The following EHMT1 variants were observed in gnomAD, a reference collection of about 807,000 sequenced individuals.
EHMT1 encodes histone-lysine N-methyltransferase EHMT1.
In EHMT1, 15 loss-of-function variants were observed where a neutral mutation model predicts 147.2. The ratio of observed to expected loss-of-function variants is 0.10; its 90% CI spans 0.07 to 0.16. The LOEUF (loss-of-function observed/expected upper bound fraction) is 0.16, where lower values mean the gene tolerates loss of function less well. Ranked by LOEUF, EHMT1 falls within the 10% of genes least tolerant of loss-of-function variation. The pLI is 1.00. For synonymous variants in EHMT1, 795 were observed against 709.6 expected (o/e 1.12, Z -1.91); for missense variants, 1,587 against 1,772.4 (o/e 0.90, Z 1.88).
At chr9:137,745,587 C>T (rs1465527440) in intron 6 of EHMT1, 4 of 398,554 alleles carry the variant, frequency 1.0e-5, no homozygotes, top group South Asian at 1.3e-4. Context: ...CAGCCCTCCC[C>T]GAAGGACAGG....
At chr9:137,710,307 T>C (rs1253078672) in intron 1 of EHMT1, among the ~76,000 whole-genome samples, 18 of 152,136 alleles carry the variant, frequency 1.2e-4, no homozygotes, top group African/African-American at 4.1e-4. Flanking sequence ...CCCCCATCTC[T>C]ACTGAAAACA....
intron 19 of EHMT1, among the ~76,000 whole-genome samples, chr9:137,812,642 T>G (rs1256580684): frequency 6.6e-6 from 1 of 152,268 alleles, no homozygotes; most frequent in African/African-American, 2.4e-5. Context: ...TGAGGACTGC[T>G]CACGCTGTGC....
At chr9:137,640,053 G>T (rs1232710563) in intron 1 of EHMT1, among the ~76,000 whole-genome samples, 2 of 152,080 alleles carry the variant, frequency 1.3e-5, no homozygotes, top group Non-Finnish European at 2.9e-5. Flanking sequence ...TCCTGCCTCT[G>T]CCTCCCGAGT....
At chr9:137,662,569 A>G (rs1016343296) in intron 1 of EHMT1, among the ~76,000 whole-genome samples, 4 of 151,696 alleles carry the variant, frequency 2.6e-5, no homozygotes, top group Non-Finnish European at 5.9e-5. Flanking sequence ...GCATGATCTC[A>G]GCTCACTGCA....
intron 1 of EHMT1, among the ~76,000 whole-genome samples, chr9:137,648,301 A>G (rs1167158421): frequency 6.6e-6 from 1 of 152,142 alleles, no homozygotes; most frequent in East Asian, 1.9e-4. Context: ...CAAAAGAGTC[A>G]ATGTTAAAAC....
intron 9 of EHMT1, among the ~76,000 whole-genome samples, chr9:137,761,245 T>C (rs73574183): frequency 0.049 from 7,395 of 152,208 alleles, 596 homozygotes; most frequent in African/African-American, 0.17. Flanking sequence ...TTCTAGAGAT[T>C]GGTTGGCTGC....
rs1298778033 is a variant in EHMT1, at chr9:137,732,401, G to A, written c.823+3872G>A. ...GGGTCCAGGAAGAATGAGGTTACAT[G>A]GACAACTGGAGGGGAGCAAGGTGGA... On this transcript the variant is annotated intron_variant, in intron 4 of 26. Transcript: ENST00000460843. The surrounding 1 kb of genome is among the most constrained non-coding windows in gnomAD (Gnocchi z 4.6). Among the ~76,000 whole-genome samples the A allele has an allele frequency of 2.0e-5, 3 of 152,222 alleles. No homozygotes were observed. The highest frequency in any genetic ancestry group is 7.2e-5 in the African/African-American group (3 of 41,456).
intron 10 of EHMT1, among the ~76,000 whole-genome samples, chr9:137,766,702 TTAA>T (rs1278944093): frequency 2.0e-5 from 3 of 152,240 alleles, no homozygotes; most frequent in Admixed American, 6.5e-5. Flanking sequence ...TTTCTTTTGA[TTAA>T]TGTTTGCACC....
At chr9:137,700,411 C>T (rs1943737307) in intron 1 of EHMT1, among the ~76,000 whole-genome samples, 2 of 152,136 alleles carry the variant, frequency 1.3e-5, no homozygotes, top group South Asian at 4.1e-4. Context: ...AAAAACTTCA[C>T]GAAGTGGGAA....
At chr9:137,720,991 C>G (rs1945894055) in intron 3 of EHMT1, among the ~76,000 whole-genome samples, 1 of 151,956 alleles carries the variant, frequency 6.6e-6, no homozygotes, top group Non-Finnish European at 1.5e-5. Flanking sequence ...TTGCAGTGGC[C>G]GCCTTTCTCC....
intron 3 of EHMT1, among the ~76,000 whole-genome samples, chr9:137,727,520 C>T (rs1946742208): frequency 6.6e-6 from 1 of 152,214 alleles, no homozygotes; most frequent in Non-Finnish European, 1.5e-5. Flanking sequence ...TCATTCAGTT[C>T]TCCCGGTACC....
intron 1 of EHMT1, among the ~76,000 whole-genome samples, chr9:137,652,649 G>A (rs2133966537): frequency 6.6e-6 from 1 of 151,890 alleles, no homozygotes; most frequent in East Asian, 1.9e-4. Context: ...GCCTCCCAGA[G>A]TGTTGGGATT....
intron 14 of EHMT1, among the ~76,000 whole-genome samples, chr9:137,781,931 G>T (rs1588680857): frequency 6.6e-6 from 1 of 152,210 alleles, no homozygotes; most frequent in East Asian, 1.9e-4. Flanking sequence ...CCCCGGCCTT[G>T]CTTGCTCCCC....
chr9:137,696,420 A>G (rs1943397789), intron 1 of EHMT1, among the ~76,000 whole-genome samples: 1 of 152,208 alleles, frequency 6.6e-6, no homozygotes. Flanking sequence ...GCTTTCCTAA[A>G]GCAGAAGGGA....
chr9:137,720,465 G>A (rs1259825894), intron 3 of EHMT1, among the ~76,000 whole-genome samples: 2 of 151,934 alleles, frequency 1.3e-5, no homozygotes, highest in African/African-American at 2.4e-5. Flanking sequence ...CACCCTGCCC[G>A]GCTGATTTTT....
At chr9:137,651,725 G>A (rs1409900532) in intron 1 of EHMT1, among the ~76,000 whole-genome samples, 1 of 152,162 alleles carries the variant, frequency 6.6e-6, no homozygotes, top group Admixed American at 6.5e-5. Flanking sequence ...AACCTGGGAA[G>A]TGGAAGTTGC....
chr9:137,834,875 TCAGGCCAGCGCGGCC>T lies in EHMT1; in HGVS notation c.3824_3838del (p.Ala1275_Gln1279del). ...ACTCGAGCGCGGCCCTGGCCCAGCG[TCAGGCCAGCGCGGCC>T]CAGGAGGCCCAGGAGGACGGCTTGC... is the stretch of plus-strand genomic sequence containing the variant. On this transcript the variant is annotated inframe_deletion, in exon 27 of 27. Coordinates refer to ENST00000460843, the MANE Select transcript of EHMT1 (RefSeq NM_024757.5). The T allele has an allele frequency of 1.2e-6, 2 of 1,610,304 alleles. No homozygotes were observed. Among genetic ancestry groups the T allele is most frequent in the African/African-American group, 2.7e-5 (2 of 74,956 alleles).
intron 1 of EHMT1, among the ~76,000 whole-genome samples, chr9:137,619,719 C>A (rs1214809557): frequency 5.9e-5 from 9 of 152,066 alleles, no homozygotes; most frequent in Admixed American, 4.6e-4. Context: ...GTAAAAAGTT[C>A]ACATTCTTTT....
At chr9:137,751,798 C>T (rs1221853282) in intron 6 of EHMT1, among the ~76,000 whole-genome samples, 6 of 152,312 alleles carry the variant, frequency 3.9e-5, no homozygotes, top group South Asian at 2.1e-4. Context: ...TGTGGGCCCA[C>T]GTCTGCCTGG....
Sources: gnomAD v4.1 joint callset for allele counts (sites outside exome capture counted in the v4.1 genomes callset) on GRCh38, gnomAD v4.1.1 for gene constraint, Gnocchi (gnomAD v3.1) non-coding constraint, MANE v1.5 for transcripts, NCBI Gene and HGNC (gene_info 2026-07-23, HGNC 2026-07-21) for gene names.